Variants in CACNA1A observed in about 807,000 individuals in gnomAD.
CACNA1A encodes the protein calcium voltage-gated channel subunit alpha1 A, also known as voltage-dependent P/Q-type calcium channel subunit alpha-1A.
In CACNA1A, 57 loss-of-function variants were observed where a neutral mutation model predicts 262.4. That is an observed-to-expected ratio of 0.22 (90% confidence interval 0.18 to 0.27). The LOEUF is 0.27. CACNA1A is among the 10% of genes least tolerant of loss of function. CACNA1A has a pLI of 1.00. For synonymous variants in CACNA1A, 1,431 were observed against 1,419.3 expected (o/e 1.01, Z -0.18); for missense variants, 2,526 against 3,562.8 (o/e 0.71, Z 7.41).
chr19:13,482,520 T>G (rs1457031304), intron 1 of CACNA1A, among the ~76,000 whole-genome samples: 3 of 152,036 alleles, frequency 2.0e-5, no homozygotes, highest in African/African-American at 7.2e-5. Context: ...CAAACCTTCT[T>G]TTTCTTTTTT....
intron 3 of CACNA1A, among the ~76,000 whole-genome samples, chr19:13,398,315 G>A (rs182802403): frequency 1.7e-4 from 26 of 151,770 alleles, no homozygotes; most frequent in African/African-American, 4.6e-4. Context: ...GTGCAAGAAC[G>A]AAATTTTTAT....
chr19:13,331,129 C>T (rs1234592747), intron 9 of CACNA1A, among the ~76,000 whole-genome samples: 1 of 152,170 alleles, frequency 6.6e-6, no homozygotes, highest in Middle Eastern at 3.2e-3. Flanking sequence ...CCCTCCCCAA[C>T]TAAGATAATA....
intron 3 of CACNA1A, among the ~76,000 whole-genome samples, chr19:13,402,869 CACACATATATATATATATAT>C (rs1422147286): frequency 0.033 from 2,481 of 75,668 alleles, 107 homozygotes; most frequent in African/African-American, 0.13. Flanking sequence ...CACACACACA[CACACATATATATATATATAT>C]ATATATATAT....
In CACNA1A at chr19:13,385,230, C is replaced by CT. The variant is rs911743392; in HGVS notation, c.540-13452dup. Reference sequence around the variant, plus strand: ...GGCAGATATTTTCTATTCTTTCTTTCTTTTTTTTTTTTTTTTTGAGACAGG... The same window carrying CT: ...GGCAGATATTTTCTATTCTTTCTTTCTTTTTTTTTTTTTTTTTTGAGACAGG... On this transcript the variant is annotated intron_variant, in intron 3 of 46. Transcript: ENST00000360228. Among the ~76,000 whole-genome samples, 765 of 139,664 alleles carry CT rather than the reference C, an allele frequency of 5.5e-3. 9 individuals are homozygous for CT. The highest frequency in any genetic ancestry group is 0.014 in the African/African-American group (520 of 36,336). 91.6% of individuals were successfully genotyped at this position (139,664 alleles called of 152,430 possible).
intron 37 of CACNA1A, chr19:13,226,356 T>C (rs1865031): frequency 0.17 from 25,354 of 147,578 alleles, 2,936 homozygotes; most frequent in East Asian, 0.64. Flanking sequence ...CCGGCTTTGA[T>C]TGAGAAGGAG....
intron 35 of CACNA1A, among the ~76,000 whole-genome samples, chr19:13,231,161 G>A (rs1005968907): frequency 2.0e-5 from 3 of 149,964 alleles, no homozygotes; most frequent in Non-Finnish European, 4.4e-5. Context: ...ACAGCACCAC[G>A]TGTGCAGCTA....
intron 3 of CACNA1A, among the ~76,000 whole-genome samples, chr19:13,397,931 T>TA (rs895743020): frequency 2.0e-4 from 31 of 152,236 alleles, no homozygotes; most frequent in Admixed American, 1.0e-3. Context: ...GCCCCTGACT[T>TA]ACTGCTTAGA....
At chr19:13,483,742 A>T (rs1267867491) in intron 1 of CACNA1A, among the ~76,000 whole-genome samples, 2 of 152,156 alleles carry the variant, frequency 1.3e-5, no homozygotes, top group Non-Finnish European at 2.9e-5. Context: ...AGATCCAAAC[A>T]AGCCTGAAGC....
chr19:13,220,642 T>C (rs1187899869), intron 38 of CACNA1A, among the ~76,000 whole-genome samples: 6 of 152,172 alleles, frequency 3.9e-5, no homozygotes, highest in Admixed American at 3.9e-4. Context: ...CCTACAGGAC[T>C]GTGAGCTGAC....
chr19:13,263,897 C>T (rs1431998400), intron 24 of CACNA1A, among the ~76,000 whole-genome samples: 1 of 152,110 alleles, frequency 6.6e-6, no homozygotes, highest in Non-Finnish European at 1.5e-5. Context: ...CAATGGGATT[C>T]TGGAAGATAC....
intron 6 of CACNA1A, among the ~76,000 whole-genome samples, chr19:13,351,699 G>T (rs754767032): frequency 6.6e-6 from 1 of 152,074 alleles, no homozygotes; most frequent in African/African-American, 2.4e-5. Flanking sequence ...TAGTAGAGAC[G>T]GGGTTTCACC....
intron 8 of CACNA1A, 179 bp downstream of exon 8, chr19:13,334,199 T>TA: frequency 1.8e-6 from 1 of 566,142 alleles, no homozygotes; most frequent in Admixed American, 3.1e-5. Flanking sequence ...GGCTTCATCT[T>TA]AGACTTCTTC....
intron 31 of CACNA1A, 63 bp downstream of exon 31, chr19:13,245,119 G>T: frequency 7.7e-7 from 1 of 1,303,920 alleles, no homozygotes; most frequent in Non-Finnish European, 1.1e-6. Flanking sequence ...CCGCTCCCCC[G>T]CCCCCTGCCG....
At chr19:13,282,703 G>C (rs1489569309) in intron 22 of CACNA1A, among the ~76,000 whole-genome samples, 1 of 151,878 alleles carries the variant, frequency 6.6e-6, no homozygotes. Context: ...GGGTTGGGGG[G>C]GCGCATTGTG....
intron 11 of CACNA1A, among the ~76,000 whole-genome samples, chr19:13,313,173 G>A (rs2058065253): frequency 6.6e-6 from 1 of 152,050 alleles, no homozygotes; most frequent in African/African-American, 2.4e-5. Flanking sequence ...TGTCCAAGGT[G>A]TCCTTCCCAT....
At position 13,275,814 on chromosome 19, in the gene CACNA1A, A is replaced by G. The variant is rs769167833; in HGVS notation, c.3989+36T>C. 5 of 1,407,710 alleles carry G rather than the reference A, an allele frequency of 3.6e-6. No homozygotes were observed. In the African/African-American group the frequency reaches 7.1e-5, roughly 20 times the overall value. The allele number at this position is 1,407,710 out of a possible 1,614,324, so 87.2% of individuals were successfully genotyped here. On this transcript the variant is annotated intron_variant, in intron 24 of 46. Coordinates refer to ENST00000360228, the MANE Select transcript of CACNA1A (RefSeq NM_001127222.2). ...TGTGGCCCAGGCTGGGGGTTGGGGG[A>G]AAAGAGGCAAGAGGAACCCTTGCGA...
intron 1 of CACNA1A, among the ~76,000 whole-genome samples, chr19:13,497,522 AT>A (rs1248838615): frequency 0.027 from 28 of 1,046 alleles, 4 homozygotes; most frequent in Admixed American, 0.088. Flanking sequence ...AAAAAAAAAA[AT>A]ATATATATAT....
chr19:13,285,750 G>A (rs930866739), intron 20 of CACNA1A, among the ~76,000 whole-genome samples: 1 of 152,012 alleles, frequency 6.6e-6, no homozygotes, highest in Non-Finnish European at 1.5e-5. Context: ...CCATTCTGCA[G>A]CCCAGCCTGC....
intron 3 of CACNA1A, among the ~76,000 whole-genome samples, chr19:13,407,695 T>C (rs1226889594): frequency 6.6e-6 from 1 of 152,224 alleles, no homozygotes; most frequent in Non-Finnish European, 1.5e-5. Context: ...AATGCTTCTC[T>C]TTGCTGTAAC....
Sources: allele counts gnomAD v4.1 joint callset (sites outside exome capture counted in the v4.1 genomes callset), GRCh38; gene constraint gnomAD v4.1.1; transcripts MANE v1.5; gene names NCBI Gene and HGNC (gene_info 2026-07-23, HGNC 2026-07-21).